CPNE2: variants seen among roughly 807,000 people sequenced by gnomAD.
The protein encoded by CPNE2 is copine 2.
A neutral mutation model predicts 69.7 loss-of-function variants in CPNE2; 42 were observed. The observed-to-expected ratio is 0.60, with a 90% CI of 0.47 to 0.78. CPNE2 has a LOEUF of 0.78. Ranked by LOEUF, CPNE2 falls within the 30% of genes least tolerant of loss-of-function variation. The pLI, the probability that CPNE2 is intolerant of heterozygous loss-of-function variation, is 0.00. For synonymous variants in CPNE2, 294 were observed against 289.8 expected, an observed-to-expected ratio of 1.01 and a Z score of -0.15; for missense variants, 587 against 732.0, an observed-to-expected ratio of 0.80 and a Z score of 2.29.
At position 57,123,185 on chromosome 16, in the gene CPNE2, T is replaced by C. The variant is rs534406669; in HGVS notation, c.868-229T>C. On this transcript the variant is annotated intron_variant, in intron 9 of 15. Coordinates refer to ENST00000290776, the MANE Select transcript of CPNE2 (RefSeq NM_152727.6). Reference sequence around the variant, plus strand: ...ACCCTGCCTGGAACCAGCATGTGTCTGTGTATCTGTGGGGTGTGGGGGTCT... The same window carrying C: ...ACCCTGCCTGGAACCAGCATGTGTCCGTGTATCTGTGGGGTGTGGGGGTCT... 8.3e-5 allele frequency: 47 copies of C among 566,684 alleles called. No homozygotes were observed. The East Asian group carries it at 1.2e-3, about 14-fold the overall frequency. 35.1% of individuals were successfully genotyped at this position (566,684 alleles called of 1,614,324 possible). A position where few individuals can be genotyped will look rare whatever the true frequency, so the allele number is the denominator to read the frequency against.
At chr16:57,119,988 T>G (rs2069749610) in intron 7 of CPNE2, among the ~76,000 whole-genome samples, 1 of 152,208 alleles carries the variant, frequency 6.6e-6, no homozygotes, top group Non-Finnish European at 1.5e-5. Context: ...CTCTCAGTCC[T>G]CTGGCTGAGT....
intron 9 of CPNE2, among the ~76,000 whole-genome samples, chr16:57,122,358 A>G (rs1425377642): frequency 1.3e-5 from 2 of 152,182 alleles, no homozygotes; most frequent in Non-Finnish European, 2.9e-5. Flanking sequence ...GCTCTCCACC[A>G]GCAGGTGGAT....
intron 10 of CPNE2, chr16:57,125,345 C>A (rs1206487240): frequency 2.2e-6 from 1 of 456,108 alleles, no homozygotes; most frequent in South Asian, 1.5e-5. Context: ...ACGGGCACTG[C>A]TCTACCAGGC....
chr16:57,096,690 C>T (rs1352300615), intron 1 of CPNE2, among the ~76,000 whole-genome samples: 6 of 143,728 alleles, frequency 4.2e-5, no homozygotes, highest in African/African-American at 1.6e-4. Context: ...AACAGTGAGA[C>T]CATGTCTCAA....
rs142860468 is a variant in CPNE2, at chr16:57,117,472, G to C, written c.436-24G>C. On this transcript the variant is annotated intron_variant, in intron 4 of 15. Transcript: ENST00000290776. ...GCAGGAGGCTGGGGGAGTCTGAGGA[G>C]CCCCTCATGTCCCGGCCTTACAGAT... is the stretch of plus-strand genomic sequence containing the variant. The C allele has an allele frequency of 2.3e-3, 3,648 of 1,608,838 alleles. 77 individuals are homozygous for C. In the African/African-American group the frequency reaches 0.043, roughly 19 times the overall value.
chr16:57,134,504 G>C (rs1050998390), intron 12 of CPNE2, among the ~76,000 whole-genome samples: 7 of 152,174 alleles, frequency 4.6e-5, no homozygotes, highest in Non-Finnish European at 7.3e-5. Context: ...ATGGGGCATA[G>C]GCAGCCCCAG....
intron 14 of CPNE2, chr16:57,141,323 T>C (rs1229688127): frequency 6.6e-6 from 1 of 152,292 alleles, no homozygotes; most frequent in Non-Finnish European, 1.5e-5. Flanking sequence ...CCCAAGCACC[T>C]GGTGCTAGTC....
At chr16:57,134,237 G>A (rs2069860068) in intron 12 of CPNE2, among the ~76,000 whole-genome samples, 1 of 152,168 alleles carries the variant, frequency 6.6e-6, no homozygotes, top group Non-Finnish European at 1.5e-5. Context: ...TGATCCCCTT[G>A]CAGCCCCCTT....
At chr16:57,110,186 C>G (rs1303253233) in intron 1 of CPNE2, among the ~76,000 whole-genome samples, 3 of 151,876 alleles carry the variant, frequency 2.0e-5, no homozygotes, top group African/African-American at 7.3e-5. Flanking sequence ...AAATTTAACA[C>G]AGCTACCAGA....
intron 12 of CPNE2, among the ~76,000 whole-genome samples, chr16:57,134,328 C>T (rs950997623): frequency 4.6e-5 from 7 of 152,194 alleles, no homozygotes; most frequent in African/African-American, 4.8e-5. Flanking sequence ...GCAGGCTCCC[C>T]TCTAAGCCCC....
rs533552592 is a variant in CPNE2 at position 57,099,756 on chromosome 16, C to T, written c.-36+6966C>T. On this transcript the variant is annotated intron_variant, in intron 1 of 15. Transcript: ENST00000290776. ...AGCTGGGATTACAGGCATCCGCCAC[C>T]ATGTCCGGCTAATTTTTGATTTTTT... Among the ~76,000 whole-genome samples the T allele has an allele frequency of 2.1e-3, 311 of 151,092 alleles. 2 individuals are homozygous for T. The highest frequency in any genetic ancestry group is 3.6e-3 in the South Asian group (17 of 4,744).
At position 57,110,935 on chromosome 16, in the gene CPNE2, C is replaced by T. The variant is rs774113478; in HGVS notation, c.180+13C>T. ...CAGATGGATCGAGGTGAGGCTCTTC[C>T]GTGTGTCTGCGGTGGGTAAGGGGGT... On this transcript the variant is annotated intron_variant, in intron 2 of 15. Transcript: ENST00000290776. 57 of 1,605,404 alleles carry T rather than the reference C, an allele frequency of 3.6e-5. 1 individual carries two copies. The highest frequency in any genetic ancestry group is 3.0e-4 in the South Asian group (27 of 90,228).
At chr16:57,119,350 G>T in intron 6 of CPNE2, 72 bp downstream of exon 6, 1 of 1,493,212 alleles carries the variant, frequency 6.7e-7, no homozygotes, top group South Asian at 1.1e-5. Flanking sequence ...CTCTGAAAAA[G>T]GGAGGTGCGG....
Position 57,130,657 on chromosome 16 carries a change from TG to T in CPNE2, c.1116+2758del, listed in dbSNP as rs1442016089. On this transcript the variant is annotated intron_variant, in intron 12 of 15. Coordinates refer to ENST00000290776, the MANE Select transcript of CPNE2 (RefSeq NM_152727.6). This position sits in a 1 kb window ranked among gnomAD's most constrained non-coding sequence, Gnocchi z 4.1. ...CAGTCAGGGCTCGGGGAGGAGGGAG[TG>T]GGGTTGGAGGCTGCCCCTGGGCCTG... 4.7e-5 allele frequency among the ~76,000 whole-genome samples: 7 copies of T among 149,680 alleles called. No homozygotes were observed. Among genetic ancestry groups the T allele is most frequent in the Admixed American group, 6.7e-5 (1 of 14,942 alleles).
chr16:57,097,917 C>T (rs76608733), intron 1 of CPNE2, among the ~76,000 whole-genome samples: 5,886 of 152,244 alleles, frequency 0.039, 360 homozygotes, highest in African/African-American at 0.14. Context: ...CCTGGGAGGC[C>T]GGAGGGGAAG....
intron 1 of CPNE2, among the ~76,000 whole-genome samples, chr16:57,095,317 G>T (rs1248381666): frequency 2.6e-5 from 4 of 152,226 alleles, no homozygotes; most frequent in African/African-American, 9.6e-5. Flanking sequence ...CAGTGCCTGA[G>T]GACAGAGCCC....
intron 1 of CPNE2, among the ~76,000 whole-genome samples, chr16:57,097,592 G>C (rs541383496): frequency 6.6e-6 from 1 of 152,336 alleles, no homozygotes; most frequent in African/African-American, 2.4e-5. Context: ...ACTGAGGCTA[G>C]AGAGGTTAGG....
intron 11 of CPNE2, among the ~76,000 whole-genome samples, chr16:57,127,255 C>T (rs2069807088): frequency 1.3e-5 from 2 of 152,092 alleles, no homozygotes. Flanking sequence ...CTAGAGGAAA[C>T]AGATTAGGGA....
intron 14 of CPNE2, among the ~76,000 whole-genome samples, chr16:57,137,867 T>C (rs990480165): frequency 6.0e-4 from 91 of 152,238 alleles, no homozygotes; most frequent in African/African-American, 2.1e-3. Context: ...ACTGGCAGGG[T>C]CTGATGCCAG....
Sources: gnomAD v4.1 joint callset for allele counts (sites outside exome capture counted in the v4.1 genomes callset) on GRCh38, gnomAD v4.1.1 for gene constraint, Gnocchi (gnomAD v3.1) non-coding constraint, MANE v1.5 for transcripts, NCBI Gene and HGNC (gene_info 2026-07-23, HGNC 2026-07-21) for gene names.